The following PDCD11 variants were observed in gnomAD, a reference collection of about 807,000 sequenced individuals.
PDCD11 encodes the protein protein RRP5 homolog.
A neutral mutation model predicts 198.9 loss-of-function variants in PDCD11; 97 were observed. The ratio of observed to expected loss-of-function variants is 0.49; its 90% CI spans 0.41 to 0.58. The LOEUF is 0.58. Ranked by LOEUF, PDCD11 falls within the 20% of genes least tolerant of loss-of-function variation. PDCD11 has a pLI of 0.00. For synonymous variants in PDCD11, 893 were observed against 918.0 expected, an observed-to-expected ratio of 0.97 and a Z score of 0.49; for missense variants, 2,102 against 2,312.7, an observed-to-expected ratio of 0.91 and a Z score of 1.87.
At position 103,425,052 on chromosome 10, in the gene PDCD11, G is replaced by A. The variant is rs1402793522; in HGVS notation, c.2832G>A (p.Leu944=). ...HLEKSFAIAS[L]VETGHLAAFS... ...AGAAGTCCTTTGCCATTGCCTCCTT[G>A]GTAGAGACGGGCCACCTGGCAGCTT... Residue 944 remains leucine, a synonymous_variant, in exon 20 of 36, where the codon TTG becomes TTA. Coordinates refer to ENST00000369797, the MANE Select transcript of PDCD11 (RefSeq NM_014976.2). The A allele has an allele frequency of 6.2e-7, 1 of 1,614,238 alleles. No homozygotes were observed. The highest frequency in any genetic ancestry group is 8.5e-7 in the Non-Finnish European group (1 of 1,180,044).
chr10:103,400,421 A>G lies in PDCD11; in HGVS notation c.127A>G (p.Lys43Glu). 1.2e-6 allele frequency: 2 copies of G among 1,613,548 alleles called. No homozygotes were observed. Among genetic ancestry groups the G allele is most frequent in the African/African-American group, 1.3e-5 (1 of 74,916 alleles). Reference protein sequence around the residue: ...FDISTEEGSTKRKKSQKGPAK... With the variant: ...FDISTEEGSTERKKSQKGPAK... The stretch of plus-strand genomic sequence containing the variant: ...GATTTCTACTGAAGAGGGATCCACC[A>G]AAAGAAAAAAGAGCCAGAAGGGGCC... The change falls in exon 3 of 36, where the codon AAA (lysine) becomes GAA (glutamate). Residue 43 changes from lysine to glutamate, a missense_variant. Coordinates refer to ENST00000369797, the MANE Select transcript of PDCD11 (RefSeq NM_014976.2).
At position 103,415,086 on chromosome 10, in the gene PDCD11, C is replaced by G; in HGVS notation, c.1453C>G (p.Leu485Val). Reference protein sequence around the residue: ...QMRGLVPPMHLADILMKNPEK... With the variant: ...QMRGLVPPMHVADILMKNPEK... ...GAGGGGCCTGGTACCTCCCATGCAC[C>G]TGGCTGACATCCTGATGAAGAATCC... The change falls in exon 12 of 36, where the codon CTG becomes GTG. Residue 485 changes from leucine (L) to valine (V), a missense_variant. By Grantham distance (32) the Leu-to-Val change is conservative. Coordinates refer to ENST00000369797, the MANE Select transcript of PDCD11 (RefSeq NM_014976.2). The G allele has an allele frequency of 6.2e-7, 1 of 1,614,108 alleles. No individual in the cohort carries two copies. Among genetic ancestry groups the G allele is most frequent in the Non-Finnish European group, 8.5e-7 (1 of 1,180,014 alleles).
intron 9 of PDCD11, 56 bp downstream of exon 9, chr10:103,413,378 C>A: frequency 7.2e-7 from 1 of 1,387,402 alleles, no homozygotes; most frequent in South Asian, 1.2e-5. Flanking sequence ...ACTTCTGGAG[C>A]ACAGGGGGCC....
chr10:103,414,155 C>T (rs1252945368), intron 10 of PDCD11, 65 bp downstream of exon 10: 2 of 1,584,240 alleles, frequency 1.3e-6, no homozygotes, highest in Admixed American at 1.7e-5. Context: ...TATTCCATTT[C>T]TCCTGGCTGT....
In PDCD11 at chr10:103,440,531, C is replaced by T. The variant is rs1295076143; in HGVS notation, c.4390C>T (p.Gln1464Ter). The T allele has an allele frequency of 1.2e-6, 2 of 1,613,408 alleles. No homozygotes were observed. Among genetic ancestry groups the T allele is most frequent in the East Asian group, 2.2e-5 (1 of 44,890 alleles). The stretch of plus-strand genomic sequence containing the variant: ...GGAGAAGCAACAGCCCCAGAAGCCA[C>T]AGGCGCAGAAGCGGGGCGGGCGGGA... ...SKEKQQPQKP[Q>*]AQKRGGRECR... Residue 1464 changes from glutamine to a stop codon, truncating the protein, a stop_gained, in exon 29 of 36, where the codon CAG (glutamine) becomes TAG (stop). Transcript: ENST00000369797. LOFTEE classifies it high-confidence loss of function.
At chr10:103,444,285 G>A in intron 34 of PDCD11, 1 of 625,008 alleles carries the variant, frequency 1.6e-6, no homozygotes, top group South Asian at 2.0e-5. Flanking sequence ...TACTAGTTCT[G>A]TTGCCCCTGG....
chr10:103,417,846 T>C lies in PDCD11; in HGVS notation c.1825T>C (p.Ser609Pro), dbSNP rs2031196008. The change falls in exon 14 of 36, where the codon TCC becomes CCC. Residue 609 changes from serine to proline, a missense_variant. Ser to Pro is a moderately conservative substitution (Grantham distance 74). Transcript: ENST00000369797. ...CEPSKERMLL[S>P]FKLSSDPEPK... ...GCCATCCAAAGAGAGGATGCTCTTATCCTTCAAGCTGTCGAGTGATCCAGA... is the reference window on the plus strand; with the variant it reads ...GCCATCCAAAGAGAGGATGCTCTTACCCTTCAAGCTGTCGAGTGATCCAGA... 1.2e-6 allele frequency: 2 copies of C among 1,614,146 alleles called. No individual in the cohort carries two copies. The highest frequency in any genetic ancestry group is 1.7e-6 in the Non-Finnish European group (2 of 1,180,006).
At chr10:103,423,313 C>T (rs2031544234) in intron 18 of PDCD11, among the ~76,000 whole-genome samples, 176 bp downstream of exon 18, 1 of 152,188 alleles carries the variant, frequency 6.6e-6, no homozygotes, top group Non-Finnish European at 1.5e-5. Context: ...TTAATTGTTA[C>T]AATTGGGTAA....
At position 103,443,311 on chromosome 10, in the gene PDCD11, A is replaced by G. The variant is rs760549678; in HGVS notation, c.5102A>G (p.Tyr1701Cys). The G allele has an allele frequency of 3.5e-5, 56 of 1,608,712 alleles. No individual in the cohort carries two copies. The highest frequency in any genetic ancestry group is 4.4e-5 in the Non-Finnish European group (52 of 1,176,224). Reference sequence around the variant, plus strand: ...GTCTTTCTCCACCTGGCTGACATCTACGCCAAGTCAGAGAAATTCCAGGTA... The same window carrying G: ...GTCTTTCTCCACCTGGCTGACATCTGCGCCAAGTCAGAGAAATTCCAGGTA... ...LKVFLHLADI[Y>C]AKSEKFQEAG... The change falls in exon 33 of 36, where the codon TAC becomes TGC. Residue 1701 changes from tyrosine to cysteine, a missense_variant. By Grantham distance (194) the Tyr-to-Cys change is radical. Transcript: ENST00000369797.
chr10:103,430,923 C>T (rs559211781), intron 21 of PDCD11, among the ~76,000 whole-genome samples: 17 of 152,036 alleles, frequency 1.1e-4, no homozygotes, highest in Non-Finnish European at 2.2e-4. Flanking sequence ...CTCAGCCTCC[C>T]GAATAGCTGG....
Position 103,413,270 on chromosome 10 carries a change from A to T in PDCD11, c.1133A>T (p.Lys378Ile). Reference protein sequence around the residue: ...LDDVPVQGFFKKAGATFRLKD... With the variant: ...LDDVPVQGFFIKAGATFRLKD... ...GATGTTCCTGTCCAGGGTTTTTTCAAAAAGGCTGGGGCCACCTTTAGGCTG... is the reference window on the plus strand; with the variant it reads ...GATGTTCCTGTCCAGGGTTTTTTCATAAAGGCTGGGGCCACCTTTAGGCTG... The change falls in exon 9 of 36, where the codon AAA (lysine) becomes ATA (isoleucine). Residue 378 changes from lysine to isoleucine, a missense_variant. Transcript: ENST00000369797. The T allele has an allele frequency of 6.2e-7, 1 of 1,614,074 alleles. No homozygotes were observed. Among genetic ancestry groups the T allele is most frequent in the African/African-American group, 1.3e-5 (1 of 75,016 alleles).
intron 8 of PDCD11, among the ~76,000 whole-genome samples, chr10:103,412,082 A>G (rs372006969): frequency 2.6e-5 from 4 of 151,932 alleles, no homozygotes; most frequent in South Asian, 2.1e-4. Context: ...CACTCACTGC[A>G]GCCTTGACCT....
chr10:103,416,037 T>C (rs768583125), intron 12 of PDCD11, among the ~76,000 whole-genome samples: 10 of 152,220 alleles, frequency 6.6e-5, no homozygotes, highest in Admixed American at 2.0e-4. Context: ...ATACTTTTTC[T>C]GTCTTTAAGG....
intron 3 of PDCD11, among the ~76,000 whole-genome samples, chr10:103,401,828 CG>C (rs2030090020): frequency 6.6e-6 from 1 of 151,096 alleles, no homozygotes; most frequent in Non-Finnish European, 1.5e-5. Context: ...CTGCAAGCTC[CG>C]CCTCCCGGGT....
intron 3 of PDCD11, among the ~76,000 whole-genome samples, chr10:103,402,122 G>A (rs10883863): frequency 0.51 from 76,826 of 152,042 alleles, 19,455 homozygotes; most frequent in East Asian, 0.56. Flanking sequence ...CAGAAGGCCC[G>A]TATTCCCTCA....
chr10:103,443,984 G>A lies in PDCD11; in HGVS notation c.5194G>A (p.Gly1732Ser), dbSNP rs1204776553. Reference protein sequence around the residue: ...RQEKAVWIKYGAFLLRRSQAA... With the variant: ...RQEKAVWIKYSAFLLRRSQAA... ...GGAGAAAGCTGTGTGGATCAAATAC[G>A]GCGCCTTCCTTCTGCGGAGGAGCCA... Residue 1732 changes from glycine (G) to serine (S), a missense_variant, in exon 34 of 36, where the codon GGC (glycine) becomes AGC (serine). Transcript: ENST00000369797. 9.3e-6 allele frequency: 15 copies of A among 1,613,968 alleles called. No individual in the cohort carries two copies. The East Asian group carries it at 1.3e-4, about 14-fold the overall frequency.
At chr10:103,401,636 T>C (rs910236149) in intron 3 of PDCD11, among the ~76,000 whole-genome samples, 11 of 152,222 alleles carry the variant, frequency 7.2e-5, no homozygotes, top group African/African-American at 2.7e-4. Context: ...GTTAAATAAC[T>C]TTGAAGAGGA....
intron 7 of PDCD11, among the ~76,000 whole-genome samples, chr10:103,407,182 C>T (rs916195593): frequency 1.3e-5 from 2 of 152,164 alleles, no homozygotes; most frequent in African/African-American, 4.8e-5. Flanking sequence ...AATTTCTCTC[C>T]ATATTTTTGA....
intron 17 of PDCD11, among the ~76,000 whole-genome samples, chr10:103,421,993 G>A (rs1447407077): frequency 2.0e-3 from 246 of 121,622 alleles, no homozygotes; most frequent in Middle Eastern, 0.013. Context: ...AAAAAAAAAA[G>A]AAAAAAAAAA....
Sources: allele counts gnomAD v4.1 joint callset (sites outside exome capture counted in the v4.1 genomes callset), GRCh38; gene constraint gnomAD v4.1.1; transcripts MANE v1.5; gene names NCBI Gene and HGNC (gene_info 2026-07-23, HGNC 2026-07-21).